Variants in FAT3 observed in about 807,000 individuals in gnomAD.
FAT3 encodes FAT atypical cadherin 3, also known as protocadherin Fat 3.
FAT3 carries 95 observed loss-of-function variants against 310.2 expected under a neutral mutation model. The observed-to-expected ratio is 0.31, with a 90% CI of 0.26 to 0.36. The LOEUF is 0.36. Among genes scored for constraint, FAT3 ranks in the 10% least tolerant of loss-of-function variants. The probability of loss-of-function intolerance (pLI) is 1.00; values close to 1 mark genes in which losing one functional copy is unlikely to be tolerated. For synonymous variants in FAT3, 2,314 were observed against 2,192.9 expected, an observed-to-expected ratio of 1.06 and a Z score of -1.54; for missense variants, 5,408 against 5,715.6, an observed-to-expected ratio of 0.95 and a Z score of 1.74.
chr11:92,322,886 TTAAC>T (rs1947659396), intron 1 of FAT3, among the ~76,000 whole-genome samples: 1 of 152,164 alleles, frequency 6.6e-6, no homozygotes, highest in Non-Finnish European at 1.5e-5. Context: ...AGGGTTACAA[TTAAC>T]TTTTTCCAAA....
At chr11:92,594,394 A>G (rs554596813) in intron 3 of FAT3, among the ~76,000 whole-genome samples, 1 of 152,292 alleles carries the variant, frequency 6.6e-6, no homozygotes, top group Admixed American at 6.5e-5. Context: ...GTGAGCCAAG[A>G]TTGCACCACT....
chr11:92,559,382 CCTT>C, intron 3 of FAT3: 2 of 163,696 alleles, frequency 1.2e-5, no homozygotes, highest in Non-Finnish European at 2.5e-5. Flanking sequence ...TACTTATTTT[CCTT>C]TTTTTTTTTT....
chr11:92,449,020 T>C (rs534946953), intron 2 of FAT3, among the ~76,000 whole-genome samples: 1 of 152,268 alleles, frequency 6.6e-6, no homozygotes, highest in African/African-American at 2.4e-5. Flanking sequence ...TGTTGCCGAT[T>C]CAGCCAACAT....
At chr11:92,288,377 T>A (rs1016213419) in intron 1 of FAT3, among the ~76,000 whole-genome samples, 1 of 152,126 alleles carries the variant, frequency 6.6e-6, no homozygotes, top group African/African-American at 2.4e-5. Context: ...CTCTACAGCA[T>A]TGCACCAGTA....
At chr11:92,707,401 G>A (rs889486905) in intron 4 of FAT3, among the ~76,000 whole-genome samples, 15 of 152,194 alleles carry the variant, frequency 9.9e-5, no homozygotes, top group South Asian at 2.1e-4. Flanking sequence ...GGATGGGAAC[G>A]TGGTGCTATG....
At chr11:92,456,809 A>G (rs1207432463) in intron 2 of FAT3, among the ~76,000 whole-genome samples, 6 of 152,118 alleles carry the variant, frequency 3.9e-5, no homozygotes, top group Admixed American at 1.3e-4. Flanking sequence ...CATTCTTTCA[A>G]GCAGTCTGTA....
intron 3 of FAT3, among the ~76,000 whole-genome samples, chr11:92,545,668 G>C (rs1008294567): frequency 6.6e-6 from 1 of 152,168 alleles, no homozygotes; most frequent in Non-Finnish European, 1.5e-5. Flanking sequence ...TTGGTAAATT[G>C]CTCAAGGGTA....
chr11:92,740,542 AG>A (rs1412142199), intron 4 of FAT3, among the ~76,000 whole-genome samples: 2 of 152,226 alleles, frequency 1.3e-5, no homozygotes, highest in Non-Finnish European at 2.9e-5. Context: ...GAACTTAAGC[AG>A]ATGAATGTTA....
intron 2 of FAT3, among the ~76,000 whole-genome samples, chr11:92,404,451 C>T (rs545486615): frequency 1.2e-4 from 18 of 151,788 alleles, no homozygotes; most frequent in African/African-American, 4.1e-4. Flanking sequence ...AGCTAATCCA[C>T]CTTTGTCAAA....
At position 92,857,840 on chromosome 11, in the gene FAT3, T is replaced by A. The variant is rs575747945; in HGVS notation, c.11500+492T>A. Among the ~76,000 whole-genome samples, 5 of 152,270 alleles carry A rather than the reference T, an allele frequency of 3.3e-5. 1 individual carries two copies. Among genetic ancestry groups the A allele is most frequent in the African/African-American group, 1.2e-4 (5 of 41,550 alleles). On this transcript the variant is annotated intron_variant, in intron 20 of 27. Coordinates refer to ENST00000525166, the MANE Select transcript of FAT3 (RefSeq NM_001367949.2). ...TCCCTACTGGAAATGTTTAACTAAC[T>A]TCATGTTCCAGCTGGAGAGGTGCTC...
Position 92,366,870 on chromosome 11 carries a change from G to A in FAT3, c.3292+11466G>A. 5.6e-6 allele frequency: 3 copies of A among 534,208 alleles called. No homozygotes were observed. The Admixed American group carries it at 5.8e-5, about 10-fold the overall frequency. 33.1% of individuals were successfully genotyped at this position (534,208 alleles called of 1,614,324 possible). ...ATGTTGCTGTAGAAAGGATGGTTGG[G>A]CTTCATTAGAGGTGGTGGGACATCA... is the stretch of plus-strand genomic sequence containing the variant. On this transcript the variant is annotated intron_variant, in intron 2 of 27. Transcript: ENST00000525166.
chr11:92,640,092 T>G (rs1398638950), intron 3 of FAT3, among the ~76,000 whole-genome samples: 1 of 152,200 alleles, frequency 6.6e-6, no homozygotes, highest in African/African-American at 2.4e-5. Flanking sequence ...CTGATTTTTT[T>G]TGCCCTTTTT....
intron 2 of FAT3, among the ~76,000 whole-genome samples, chr11:92,495,411 G>GT (rs1952724477): frequency 6.6e-6 from 1 of 152,062 alleles, no homozygotes; most frequent in African/African-American, 2.4e-5. Flanking sequence ...ACAATGAAGT[G>GT]TTCAACAAAT....
intron 13 of FAT3, among the ~76,000 whole-genome samples, chr11:92,816,501 A>G (rs953876914): frequency 6.6e-6 from 1 of 152,164 alleles, no homozygotes; most frequent in African/African-American, 2.4e-5. Context: ...CCTGCACAGG[A>G]GCAGGGACAC....
At chr11:92,758,051 A>G (rs545628867) in intron 4 of FAT3, among the ~76,000 whole-genome samples, 4 of 152,274 alleles carry the variant, frequency 2.6e-5, no homozygotes, top group Admixed American at 6.5e-5. Context: ...GGGAGATTAT[A>G]TGTTAATTTT....
chr11:92,666,998 C>T (rs1591584841), intron 3 of FAT3, among the ~76,000 whole-genome samples: 1 of 152,184 alleles, frequency 6.6e-6, no homozygotes, highest in Middle Eastern at 3.4e-3. Context: ...GAAGTCTAGT[C>T]CAGCTTTGTT....
intron 1 of FAT3, among the ~76,000 whole-genome samples, chr11:92,318,476 C>T (rs1295604158): frequency 1.3e-5 from 2 of 152,144 alleles, no homozygotes; most frequent in Admixed American, 1.3e-4. Flanking sequence ...GAGATTTGTA[C>T]TGTAAAGTAT....
chr11:92,868,686 G>T (rs1314959323), intron 22 of FAT3, among the ~76,000 whole-genome samples: 3 of 152,164 alleles, frequency 2.0e-5, no homozygotes, highest in Non-Finnish European at 4.4e-5. Flanking sequence ...GTTTTTGCTG[G>T]CAGGGCTATG....
chr11:92,326,529 C>T (rs1947770645), intron 1 of FAT3, among the ~76,000 whole-genome samples: 1 of 152,206 alleles, frequency 6.6e-6, no homozygotes, highest in African/African-American at 2.4e-5. Flanking sequence ...TGTCCGAAAG[C>T]CCAGCCTTTC....
Sources: allele counts gnomAD v4.1 joint callset (sites outside exome capture counted in the v4.1 genomes callset), GRCh38; gene constraint gnomAD v4.1.1; transcripts MANE v1.5; gene names NCBI Gene and HGNC (gene_info 2026-07-23, HGNC 2026-07-21).